Variants in CALD1 observed in about 807,000 individuals in gnomAD.
CALD1 encodes the protein caldesmon.
In CALD1, 33 loss-of-function variants were observed where a neutral mutation model predicts 99.9. The ratio of observed to expected loss-of-function variants is 0.33; its 90% CI spans 0.25 to 0.44. The LOEUF is 0.44. Among genes scored for constraint, CALD1 ranks in the 20% least tolerant of loss-of-function variants. The pLI, the probability that CALD1 is intolerant of heterozygous loss-of-function variation, is 1.00. For missense variants in CALD1, 861 were observed against 962.1 expected, an observed-to-expected ratio of 0.89 and a Z score of 1.39; for synonymous variants, 310 against 325.0, an observed-to-expected ratio of 0.95 and a Z score of 0.50.
At position 134,969,079 on chromosome 7, in the gene CALD1, C is replaced by CT. The variant is rs1808876841; in HGVS notation, c.*740dup. The stretch of plus-strand genomic sequence containing the variant: ...ATACAAACACACTAATGGTAGAATG[C>CT]TTTTTTATGTGCTAGACTATTATAT... On this transcript the variant is annotated 3_prime_UTR_variant, in exon 15 of 15. Coordinates refer to ENST00000361675, the MANE Select transcript of CALD1 (RefSeq NM_033138.4). 1 of 153,978 alleles carries CT rather than the reference C, an allele frequency of 6.5e-6. No individual in the cohort carries two copies. Among genetic ancestry groups the CT allele is most frequent in the Admixed American group, 6.4e-5 (1 of 15,592 alleles). 9.5% of individuals were successfully genotyped at this position (153,978 alleles called of 1,614,324 possible).
At chr7:134,824,219 C>T (rs1798895968) in intron 1 of CALD1, among the ~76,000 whole-genome samples, 1 of 152,148 alleles carries the variant, frequency 6.6e-6, no homozygotes, top group African/African-American at 2.4e-5. Flanking sequence ...TGATTTGCCT[C>T]TGGGTTCTTT....
rs369052480 is a variant in CALD1, at chr7:134,937,490, A to G, written c.1386+1725A>G. ...CCCCAATCTATATTCCTTTTTTAAT[A>G]CTGTGTACATAACCTGCTGCTCGAA... On this transcript the variant is annotated intron_variant, in intron 6 of 14. Coordinates refer to ENST00000361675, the MANE Select transcript of CALD1 (RefSeq NM_033138.4). Among the ~76,000 whole-genome samples, 10 of 152,308 alleles carry G rather than the reference A, an allele frequency of 6.6e-5. No homozygotes were observed. The East Asian group carries it at 1.7e-3, about 26-fold the overall frequency.
chr7:134,783,766 C>A lies in CALD1; in HGVS notation c.-130+4017C>A. Among the ~76,000 whole-genome samples, 1 of 152,110 alleles carries A rather than the reference C, an allele frequency of 6.6e-6. No individual in the cohort carries two copies. The highest frequency in any genetic ancestry group is 1.9e-4 in the East Asian group (1 of 5,200). On this transcript the variant is annotated intron_variant, in intron 1 of 14. Coordinates refer to ENST00000361675, the MANE Select transcript of CALD1 (RefSeq NM_033138.4). The surrounding 1 kb of genome is among the most constrained non-coding windows in gnomAD (Gnocchi z 4.3). ...TGTAAGATGGGGAGTGGGGTCAGAT[C>A]TGGATTCCCATAGAAGACAAGGGTG... is the stretch of plus-strand genomic sequence containing the variant.
intron 1 of CALD1, among the ~76,000 whole-genome samples, chr7:134,773,782 CTGTGTG>C (rs36104737): frequency 0.036 from 4,937 of 138,668 alleles, 181 homozygotes; most frequent in African/African-American, 0.098. Context: ...AACCTCTCTT[CTGTGTG>C]TGTGTGTGTG....
At chr7:134,726,474 T>G in the CALD1 span, among the ~76,000 whole-genome samples, 1 of 144,244 alleles carries the variant, frequency 6.9e-6, no homozygotes, top group East Asian at 2.0e-4. Context: ...TAGCTTTAGA[T>G]ATATAATATA....
intron 1 of CALD1, among the ~76,000 whole-genome samples, chr7:134,825,160 T>C (rs1726274870): frequency 6.6e-6 from 1 of 152,094 alleles, no homozygotes; most frequent in South Asian, 2.1e-4. Flanking sequence ...AGCTTTAAGA[T>C]TTAGATAAAG....
intron 1 of CALD1, among the ~76,000 whole-genome samples, chr7:134,819,437 G>T (rs1175802238): frequency 2.6e-5 from 4 of 152,184 alleles, no homozygotes; most frequent in Non-Finnish European, 5.9e-5. Context: ...AAGCCTAATA[G>T]AACTTGGGCC....
chr7:134,830,769 T>TA (rs1321178657), intron 1 of CALD1, among the ~76,000 whole-genome samples: 1 of 151,994 alleles, frequency 6.6e-6, no homozygotes, highest in Non-Finnish European at 1.5e-5. Context: ...AGGCAATATA[T>TA]TTTTTTTGGT....
intron 3 of CALD1, among the ~76,000 whole-genome samples, chr7:134,906,256 C>A (rs565696421): frequency 6.6e-6 from 1 of 152,072 alleles, no homozygotes; most frequent in South Asian, 2.1e-4. Context: ...TAAGTTCTAA[C>A]CCCTGTCCTG....
intron 3 of CALD1, among the ~76,000 whole-genome samples, chr7:134,880,570 T>G (rs1036870244): frequency 3.3e-5 from 5 of 152,174 alleles, no homozygotes; most frequent in African/African-American, 9.6e-5. Flanking sequence ...GCCCACTTCT[T>G]CCTTGAACAA....
chr7:134,933,446 T>A lies in CALD1; in HGVS notation c.677T>A (p.Met226Lys). The A allele has an allele frequency of 6.2e-7, 1 of 1,613,654 alleles. No homozygotes were observed. The highest frequency in any genetic ancestry group is 1.1e-5 in the South Asian group (1 of 91,050). Residue 226 changes from methionine (M) to lysine (K), a missense_variant, in exon 5 of 15, where the codon ATG becomes AAG. This residue lies in a region of CALD1 where 234 missense variants were observed against 233.1 expected (regional missense o/e 1.00). Transcript: ENST00000361675. ...TTESQEETVVMSLKNGQISSE... is the reference protein window; with the variant it reads ...TTESQEETVVKSLKNGQISSE... ...GAAAGCCAGGAGGAAACAGTGGTAA[T>A]GTCATTAAAAAATGGGCAGATCAGT...
intron 3 of CALD1, among the ~76,000 whole-genome samples, chr7:134,927,551 CAAAAAAAAAAAA>C (rs58182455): frequency 5.0e-5 from 2 of 40,382 alleles, no homozygotes; most frequent in Non-Finnish European, 8.2e-5. Flanking sequence ...GACTGTGTCT[CAAAAAAAAAAAA>C]AAAAAAAAAA....
At chr7:134,880,764 C>G (rs1801562670) in intron 3 of CALD1, among the ~76,000 whole-genome samples, 1 of 152,204 alleles carries the variant, frequency 6.6e-6, no homozygotes, top group African/African-American at 2.4e-5. Context: ...TGACACCTGT[C>G]TTTCCTGCTA....
chr7:134,950,365 C>G lies in CALD1; in HGVS notation c.1795-9C>G, dbSNP rs760083244. Reference sequence around the variant, plus strand: ...ACTGATGCCTCGTTATTTGTTCTTTCTCTCTTAGGAAGAGAAGAGGAGGCT... The same window carrying G: ...ACTGATGCCTCGTTATTTGTTCTTTGTCTCTTAGGAAGAGAAGAGGAGGCT... On this transcript the variant is annotated splice_polypyrimidine_tract_variant and intron_variant, in intron 8 of 14. Transcript: ENST00000361675. The G allele has an allele frequency of 2.5e-6, 4 of 1,613,242 alleles. No individual in the cohort carries two copies. The African/African-American group carries it at 5.3e-5, about 22-fold the overall frequency.
chr7:134,870,745 T>G (rs577934318), intron 3 of CALD1, among the ~76,000 whole-genome samples: 1 of 151,664 alleles, frequency 6.6e-6, no homozygotes, highest in East Asian at 1.9e-4. Flanking sequence ...TCTCTCTCTC[T>G]CGCTCTTTCT....
At chr7:134,740,364 G>T (rs1195489399), upstream of CALD1, among the ~76,000 whole-genome samples, 2 of 152,166 alleles carry the variant, frequency 1.3e-5, no homozygotes, top group Non-Finnish European at 2.9e-5. Flanking sequence ...ATGCTGCAAT[G>T]CTGGGCCAAG....
chr7:134,753,665 GATGCAGAA>G (rs1243411933), intron 1 of CALD1, among the ~76,000 whole-genome samples: 1 of 152,216 alleles, frequency 6.6e-6, no homozygotes, highest in African/African-American at 2.4e-5. Context: ...GAGATGCAGA[GATGCAGAA>G]ATGCACACAG....
chr7:134,901,841 T>A (rs1390124366), intron 3 of CALD1, among the ~76,000 whole-genome samples: 5 of 152,100 alleles, frequency 3.3e-5, no homozygotes, highest in Non-Finnish European at 7.4e-5. Flanking sequence ...GTGTCTGTGT[T>A]TGTGTCCAAA....
At chr7:134,844,773 C>A (rs1289508531) in intron 2 of CALD1, among the ~76,000 whole-genome samples, 8 of 148,440 alleles carry the variant, frequency 5.4e-5, no homozygotes, top group African/African-American at 2.1e-4. Flanking sequence ...TGGCCACCTT[C>A]TCCCTGTGTC....
Sources: gnomAD v4.1 joint callset for allele counts (sites outside exome capture counted in the v4.1 genomes callset) on GRCh38, gnomAD v4.1.1 for gene constraint, gnomAD v4.1.1 regional missense constraint, Gnocchi (gnomAD v3.1) non-coding constraint, MANE v1.5 for transcripts, NCBI Gene and HGNC (gene_info 2026-07-23, HGNC 2026-07-21) for gene names.